The following DPYD variants were observed in gnomAD, a reference collection of about 807,000 sequenced individuals.
DPYD encodes the protein dihydropyrimidine dehydrogenase [NADP(+)].
In DPYD, 109 loss-of-function variants were observed where a neutral mutation model predicts 116.2. The observed-to-expected ratio is 0.94, with a 90% CI of 0.80 to 1.10. DPYD has a LOEUF of 1.10. DPYD is among the 50% of genes least tolerant of loss of function. DPYD has a pLI of 0.00. For synonymous variants in DPYD, 440 were observed against 432.0 expected, an observed-to-expected ratio of 1.02 and a Z score of -0.23; for missense variants, 1,302 against 1,254.5, an observed-to-expected ratio of 1.04 and a Z score of -0.57.
chr1:97,210,505 C>G (rs1025739126), intron 19 of DPYD, among the ~76,000 whole-genome samples: 1 of 152,178 alleles, frequency 6.6e-6, no homozygotes, highest in Admixed American at 6.6e-5. Context: ...TCCTCTCTCC[C>G]CTTAGCATCT....
chr1:97,173,256 GCA>G (rs1491320974), intron 20 of DPYD, among the ~76,000 whole-genome samples: 3 of 146,344 alleles, frequency 2.0e-5, no homozygotes, highest in African/African-American at 7.9e-5. Context: ...GTACATATAT[GCA>G]CACATATGTA....
intron 7 of DPYD, chr1:97,691,126 AG>A (rs1344724152): frequency 2.0e-5 from 3 of 152,564 alleles, no homozygotes; most frequent in Admixed American, 2.0e-4. Flanking sequence ...TTAACAGAAA[AG>A]AAGAGGAATA....
intron 4 of DPYD, among the ~76,000 whole-genome samples, chr1:97,728,286 T>C (rs1215244613): frequency 6.6e-6 from 1 of 152,086 alleles, no homozygotes; most frequent in East Asian, 1.9e-4. Flanking sequence ...TTTCTATTAG[T>C]CCTTGGGGTA....
intron 19 of DPYD, among the ~76,000 whole-genome samples, chr1:97,219,193 G>A (rs1049495062): frequency 6.6e-6 from 1 of 152,076 alleles, no homozygotes; most frequent in African/African-American, 2.4e-5. Flanking sequence ...AAAACAGTGG[G>A]GTACAAAACT....
intron 2 of DPYD, among the ~76,000 whole-genome samples, chr1:97,861,986 A>G (rs990933887): frequency 1.3e-5 from 2 of 151,982 alleles, no homozygotes; most frequent in African/African-American, 4.8e-5. Flanking sequence ...AAAGTAAGAA[A>G]TGCAAAACAA....
intron 18 of DPYD, among the ~76,000 whole-genome samples, chr1:97,292,802 A>T (rs918622360): frequency 1.3e-5 from 2 of 152,018 alleles, no homozygotes; most frequent in African/African-American, 4.8e-5. Flanking sequence ...CTATTAAAAC[A>T]AGGGTTTGGG....
intron 14 of DPYD, among the ~76,000 whole-genome samples, chr1:97,429,859 G>T (rs1675075636): frequency 1.3e-5 from 2 of 152,136 alleles, no homozygotes; most frequent in Non-Finnish European, 2.9e-5. Context: ...AGAGGAATAG[G>T]GATGTGGAGA....
chr1:97,321,465 CA>C (rs1668263077), intron 16 of DPYD, among the ~76,000 whole-genome samples: 1 of 80,626 alleles, frequency 1.2e-5, no homozygotes, highest in Non-Finnish European at 2.7e-5. Context: ...TTTATGCAGC[CA>C]AAAAACACAT....
chr1:97,667,335 C>T (rs1659621353), intron 8 of DPYD, among the ~76,000 whole-genome samples: 1 of 151,974 alleles, frequency 6.6e-6, no homozygotes. Context: ...CTCAAAATAT[C>T]AAAAAATGTG....
intron 14 of DPYD, among the ~76,000 whole-genome samples, chr1:97,437,535 T>C (rs1463915797): frequency 2.0e-5 from 3 of 151,924 alleles, no homozygotes; most frequent in Non-Finnish European, 4.4e-5. Flanking sequence ...CAAGTCTTTG[T>C]ATAGATATAT....
At chr1:97,112,772 T>G (rs1307620297) in intron 20 of DPYD, among the ~76,000 whole-genome samples, 1 of 152,136 alleles carries the variant, frequency 6.6e-6, no homozygotes, top group African/African-American at 2.4e-5. Flanking sequence ...TGGCAGGCAC[T>G]TTGTCTCCAG....
chr1:97,292,215 TA>T (rs2100989680), intron 18 of DPYD, among the ~76,000 whole-genome samples: 1 of 152,274 alleles, frequency 6.6e-6, no homozygotes, highest in Admixed American at 6.5e-5. Flanking sequence ...ACCTCTGCTG[TA>T]TTATAAGCTA....
chr1:97,803,947 T>A (rs1158770227), intron 3 of DPYD, among the ~76,000 whole-genome samples: 1 of 151,832 alleles, frequency 6.6e-6, no homozygotes, highest in Non-Finnish European at 1.5e-5. Flanking sequence ...AGACCATTTT[T>A]AAAGTGAAAA....
At chr1:97,602,980 GTAT>G (rs1336978185) in intron 8 of DPYD, among the ~76,000 whole-genome samples, 3 of 151,800 alleles carry the variant, frequency 2.0e-5, no homozygotes, top group Non-Finnish European at 4.4e-5. Flanking sequence ...CTGCTTTATG[GTAT>G]TATTTATTAA....
chr1:97,541,197 T>A (rs1378189064), intron 12 of DPYD, among the ~76,000 whole-genome samples: 1 of 152,230 alleles, frequency 6.6e-6, no homozygotes, highest in African/African-American at 2.4e-5. Flanking sequence ...TGTCTACTTA[T>A]CAAGAGTCAG....
At chr1:97,644,760 T>C (rs1308816708) in intron 8 of DPYD, among the ~76,000 whole-genome samples, 2 of 151,968 alleles carry the variant, frequency 1.3e-5, no homozygotes, top group East Asian at 1.9e-4. Context: ...ACCTGGCCAA[T>C]TTTACATGTT....
intron 18 of DPYD, among the ~76,000 whole-genome samples, chr1:97,243,449 G>A (rs1662512717): frequency 6.6e-6 from 1 of 151,754 alleles, no homozygotes; most frequent in African/African-American, 2.4e-5. Flanking sequence ...GATTCAGCAG[G>A]GATAAATGCC....
chr1:97,625,921 G>A (rs1468395194), intron 8 of DPYD, among the ~76,000 whole-genome samples: 1 of 152,034 alleles, frequency 6.6e-6, no homozygotes, highest in Non-Finnish European at 1.5e-5. Context: ...CACTGACATA[G>A]ACTGGACAAA....
intron 2 of DPYD, among the ~76,000 whole-genome samples, chr1:97,834,762 TAA>T (rs199765558): frequency 2.8e-5 from 4 of 143,030 alleles, no homozygotes; most frequent in Non-Finnish European, 1.5e-5. Context: ...TAGGTTCCTC[TAA>T]AAAAAAAAAA....
Sources: gnomAD v4.1 joint callset for allele counts (sites outside exome capture counted in the v4.1 genomes callset) on GRCh38, gnomAD v4.1.1 for gene constraint, MANE v1.5 for transcripts, NCBI Gene and HGNC (gene_info 2026-07-23, HGNC 2026-07-21) for gene names.